Variants in AVL9 observed in about 807,000 individuals in gnomAD.
AVL9 encodes the protein late secretory pathway protein AVL9 homolog.
Under a neutral mutation model 79.2 loss-of-function variants are expected in AVL9, and 49 were observed. That is an observed-to-expected ratio of 0.62 (90% CI 0.49 to 0.79). AVL9 has a LOEUF of 0.79. Among genes scored for constraint, AVL9 ranks in the 30% least tolerant of loss-of-function variants. The pLI, the probability that AVL9 is intolerant of heterozygous loss-of-function variation, is 0.00. For missense variants in AVL9, 682 were observed against 776.8 expected, an observed-to-expected ratio of 0.88 and a Z score of 1.45; for synonymous variants, 299 against 280.6, an observed-to-expected ratio of 1.07 and a Z score of -0.65.
chr7:32,496,389 ATCT>A (rs1238732702), intron 1 of AVL9, among the ~76,000 whole-genome samples: 2 of 152,284 alleles, frequency 1.3e-5, no homozygotes, highest in Admixed American at 6.5e-5. Flanking sequence ...TTGCTATTTC[ATCT>A]TCTCCAGATT....
Position 32,495,686 on chromosome 7 carries a change from C to T in AVL9, c.-24C>T. On this transcript the variant is annotated 5_prime_UTR_variant, in exon 1 of 16. Transcript: ENST00000318709. Reference sequence around the variant, plus strand: ...CGCTGCCCTTGGCGGTCGAAGTCGTCGTGCGGGCCCGCGGCGGCCGCCCAT... The same window carrying T: ...CGCTGCCCTTGGCGGTCGAAGTCGTTGTGCGGGCCCGCGGCGGCCGCCCAT... 3 of 1,252,560 alleles carry T rather than the reference C, an allele frequency of 2.4e-6. No homozygotes were observed. Among genetic ancestry groups the T allele is most frequent in the Non-Finnish European group, 3.0e-6 (3 of 988,806 alleles). 77.6% of individuals were successfully genotyped at this position (1,252,560 alleles called of 1,614,324 possible). A position where few individuals can be genotyped will look rare whatever the true frequency, so the allele number is the denominator to read the frequency against.
intron 3 of AVL9, among the ~76,000 whole-genome samples, chr7:32,548,144 C>CTCTCTTTTTT (rs1227025763): frequency 1.0e-4 from 6 of 57,596 alleles, no homozygotes; most frequent in African/African-American, 3.2e-4. Flanking sequence ...TTTGTCATCT[C>CTCTCTTTTTT]TTTTTTCTTT....
At chr7:32,549,356 C>T (rs961692313) in intron 4 of AVL9, among the ~76,000 whole-genome samples, 8 of 151,616 alleles carry the variant, frequency 5.3e-5, no homozygotes, top group Non-Finnish European at 7.4e-5. Flanking sequence ...TCCTGAGTGG[C>T]TGGGACCACA....
chr7:32,557,030 A>G (rs905839183), intron 8 of AVL9, among the ~76,000 whole-genome samples: 1 of 152,132 alleles, frequency 6.6e-6, no homozygotes, highest in Admixed American at 6.5e-5. Context: ...TTCACTCCTA[A>G]ATAAATACTT....
chr7:32,576,849 C>G (rs951968929), intron 13 of AVL9, among the ~76,000 whole-genome samples: 2 of 152,094 alleles, frequency 1.3e-5, no homozygotes, highest in African/African-American at 4.8e-5. Context: ...GTTTCCACAT[C>G]AGACTCTAAA....
At chr7:32,558,817 ATG>A (rs1790197865) in intron 9 of AVL9, 110 bp from the exon 10 acceptor site, 1 of 1,116,324 alleles carries the variant, frequency 9.0e-7, no homozygotes, top group East Asian at 2.5e-5. Context: ...TTTAATTAAA[ATG>A]TGTACAAGCA....
At position 32,495,649 on chromosome 7, in the gene AVL9, G is replaced by C; in HGVS notation, c.-61G>C. On this transcript the variant is annotated 5_prime_UTR_variant, in exon 1 of 16. Transcript: ENST00000318709. ...GTCCGCGGCTTTCCGCACACGGTGG[G>C]GTCGTCAGACCCGCTGCCCTTGGCG... The C allele has an allele frequency of 8.8e-7, 1 of 1,137,610 alleles. No individual in the cohort carries two copies. Among genetic ancestry groups the C allele is most frequent in the East Asian group, 3.2e-5 (1 of 31,184 alleles). The allele number at this position is 1,137,610 out of a possible 1,614,324, so 70.5% of individuals were successfully genotyped here. A position where few individuals can be genotyped will look rare whatever the true frequency, so the allele number is the denominator to read the frequency against.
At chr7:32,519,083 G>C (rs1788029067) in intron 1 of AVL9, among the ~76,000 whole-genome samples, 1 of 152,188 alleles carries the variant, frequency 6.6e-6, no homozygotes, top group Non-Finnish European at 1.5e-5. Context: ...CCATGTGGAA[G>C]TGGTATTTCG....
chr7:32,495,819 C>A lies in AVL9; in HGVS notation c.93+17C>A. ...GGCTGCCAGGTGAGGAAAGGGCCCGCCCCCGCCCCCAGCCGTTCGGGCGTT... is the reference window on the plus strand; with the variant it reads ...GGCTGCCAGGTGAGGAAAGGGCCCGACCCCGCCCCCAGCCGTTCGGGCGTT... On this transcript the variant is annotated intron_variant, in intron 1 of 15. Coordinates refer to ENST00000318709, the MANE Select transcript of AVL9 (RefSeq NM_015060.3). 2 of 1,252,286 alleles carry A rather than the reference C, an allele frequency of 1.6e-6. No homozygotes were observed. Among genetic ancestry groups the A allele is most frequent in the Non-Finnish European group, 2.0e-6 (2 of 988,098 alleles). The allele number at this position is 1,252,286 out of a possible 1,614,324, so 77.6% of individuals were successfully genotyped here. A position where few individuals can be genotyped will look rare whatever the true frequency, so the allele number is the denominator to read the frequency against.
chr7:32,551,386 T>C lies in AVL9; in HGVS notation c.425T>C (p.Phe142Ser). 1 of 1,611,898 alleles carries C rather than the reference T, an allele frequency of 6.2e-7. No homozygotes were observed. The highest frequency in any genetic ancestry group is 2.2e-5 in the East Asian group (1 of 44,756). Residue 142 changes from phenylalanine (F) to serine (S), a missense_variant, in exon 5 of 16, where the codon TTT becomes TCT. Phe to Ser is a radical substitution (Grantham distance 155, BLOSUM62 -2). Transcript: ENST00000318709. ...CTTCAACTCATTACACATGCATATT[T>C]TGAAGAGAAGGATTTTTCCCAAATT... ...AKLQLITHAY[F>S]EEKDFSQISI... is the part of the protein sequence containing the mutation.
At chr7:32,514,386 CA>C (rs1472835776) in intron 1 of AVL9, among the ~76,000 whole-genome samples, 15 of 152,336 alleles carry the variant, frequency 9.8e-5, no homozygotes, top group African/African-American at 3.4e-4. Flanking sequence ...ACATTTTTAA[CA>C]AAGCACATCC....
intron 1 of AVL9, among the ~76,000 whole-genome samples, chr7:32,499,213 A>C (rs1787008332): frequency 6.6e-6 from 1 of 151,990 alleles, no homozygotes; most frequent in South Asian, 2.1e-4. Flanking sequence ...GGCATGAAAT[A>C]ATTTATGGAT....
intron 10 of AVL9, among the ~76,000 whole-genome samples, chr7:32,565,083 G>C (rs143948280): frequency 9.2e-4 from 140 of 152,256 alleles, no homozygotes; most frequent in African/African-American, 3.2e-3. Flanking sequence ...TTCTGGAATT[G>C]GCTGCACATT....
intron 1 of AVL9, among the ~76,000 whole-genome samples, chr7:32,505,588 T>C (rs1296603369): frequency 6.6e-6 from 1 of 152,168 alleles, no homozygotes; most frequent in Admixed American, 6.5e-5. Flanking sequence ...CTACATTCTT[T>C]AGTACTTTTG....
intron 6 of AVL9, 58 bp downstream of exon 6, chr7:32,552,353 C>G (rs1789871189): frequency 1.9e-6 from 2 of 1,076,378 alleles, no homozygotes; most frequent in Non-Finnish European, 2.8e-6. Flanking sequence ...GTTTAGCAAA[C>G]TGAGTTGCGT....
chr7:32,546,174 G>A (rs1158282891), intron 3 of AVL9, among the ~76,000 whole-genome samples: 1 of 149,960 alleles, frequency 6.7e-6, no homozygotes, highest in African/African-American at 2.5e-5. Flanking sequence ...AAGCTTCCTC[G>A]GGTGAATAAT....
chr7:32,514,966 T>C (rs1326972853), intron 1 of AVL9, among the ~76,000 whole-genome samples: 3 of 152,196 alleles, frequency 2.0e-5, no homozygotes, highest in Non-Finnish European at 4.4e-5. Context: ...GAGCACAGGG[T>C]TGGGACAAGA....
chr7:32,529,313 C>T (rs1289864300), intron 1 of AVL9, among the ~76,000 whole-genome samples: 1 of 152,154 alleles, frequency 6.6e-6, no homozygotes, highest in African/African-American at 2.4e-5. Context: ...AGAGGGGACC[C>T]CCCTATCACG....
At chr7:32,534,400 T>C (rs867064059) in intron 1 of AVL9, 2 of 143,064 alleles carry the variant, frequency 1.4e-5, no homozygotes, top group African/African-American at 5.2e-5. Context: ...TTTTTTTTTT[T>C]AAGAGAAAAG....
Sources: allele counts gnomAD v4.1 joint callset (sites outside exome capture counted in the v4.1 genomes callset), GRCh38; gene constraint gnomAD v4.1.1; transcripts MANE v1.5; gene names NCBI Gene and HGNC (gene_info 2026-07-23, HGNC 2026-07-21).